EDAR: variants seen among roughly 807,000 people sequenced by gnomAD.
EDAR encodes the protein tumor necrosis factor receptor superfamily member EDAR.
Under a neutral mutation model 51.3 loss-of-function variants are expected in EDAR, and 38 were observed. The ratio of observed to expected loss-of-function variants is 0.74; its 90% CI spans 0.57 to 0.97. EDAR has a LOEUF of 0.97. Ranked by LOEUF, EDAR falls within the 50% of genes least tolerant of loss-of-function variation. EDAR has a pLI of 0.00. For synonymous variants in EDAR, 227 were observed against 242.1 expected (o/e 0.94, Z 0.58); for missense variants, 528 against 595.0 (o/e 0.89, Z 1.17).
rs1436652878 is a variant in EDAR, at chr2:108,894,739, C to T, written c.*2168G>A. The T allele has an allele frequency of 1.3e-5, 2 of 148,308 alleles. No homozygotes were observed. The highest frequency in any genetic ancestry group is 3.9e-4 in the East Asian group (2 of 5,150). 9.2% of individuals were successfully genotyped at this position (148,308 alleles called of 1,614,324 possible). On this transcript the variant is annotated 3_prime_UTR_variant, in exon 12 of 12. Transcript: ENST00000258443. ...TAGGCTAAAGCTTGTCAGAGTAAATCCCATGTTTCCAAATAAGTAAATGAC... is the reference window on the plus strand; with the variant it reads ...TAGGCTAAAGCTTGTCAGAGTAAATTCCATGTTTCCAAATAAGTAAATGAC...
chr2:108,928,772 G>A (rs969840543), intron 4 of EDAR, among the ~76,000 whole-genome samples: 1 of 152,224 alleles, frequency 6.6e-6, no homozygotes, highest in African/African-American at 2.4e-5. Flanking sequence ...AATCATTTTG[G>A]AGGGATTATA....
chr2:108,957,891 C>T (rs545439504), intron 1 of EDAR, among the ~76,000 whole-genome samples: 21 of 152,174 alleles, frequency 1.4e-4, no homozygotes, highest in African/African-American at 5.1e-4. Flanking sequence ...TTAATTATAG[C>T]GCAGGAAAGC....
intron 5 of EDAR, among the ~76,000 whole-genome samples, chr2:108,916,704 C>T (rs942850891): frequency 6.6e-5 from 10 of 152,114 alleles, no homozygotes; most frequent in Admixed American, 1.3e-4. Flanking sequence ...TGTGCGCAGC[C>T]GAGGAGGTGG....
Position 108,895,258 on chromosome 2 carries a change from C to CT in EDAR, c.*1648dup, listed in dbSNP as rs1222392638. 3 of 152,544 alleles carry CT rather than the reference C, an allele frequency of 2.0e-5. No individual in the cohort carries two copies. Among genetic ancestry groups the CT allele is most frequent in the Non-Finnish European group, 4.4e-5 (3 of 68,026 alleles). 9.4% of individuals were successfully genotyped at this position (152,544 alleles called of 1,614,324 possible). A position where few individuals can be genotyped will look rare whatever the true frequency, so the allele number is the denominator to read the frequency against. On this transcript the variant is annotated 3_prime_UTR_variant, in exon 12 of 12. Coordinates refer to ENST00000258443, the MANE Select transcript of EDAR (RefSeq NM_022336.4). The stretch of plus-strand genomic sequence containing the variant: ...TTGCTTGTTGGTGTTAAAGATATGA[C>CT]TGATTTTCCCCCTAAAGCATTTTTT...
At chr2:108,899,496 A>G (rs1696660938) in intron 11 of EDAR, among the ~76,000 whole-genome samples, 1 of 151,282 alleles carries the variant, frequency 6.6e-6, no homozygotes, top group African/African-American at 2.4e-5. Context: ...AAAAGAACAT[A>G]GTGAGCAAAA....
intron 1 of EDAR, among the ~76,000 whole-genome samples, chr2:108,952,927 T>C (rs926815233): frequency 6.6e-6 from 1 of 152,256 alleles, no homozygotes; most frequent in African/African-American, 2.4e-5. Flanking sequence ...TTTATGTTTC[T>C]GCTTTTAGTT....
Position 108,912,723 on chromosome 2 carries a change from T to C in EDAR, c.484A>G (p.Thr162Ala). 6.2e-7 allele frequency: 1 copy of C among 1,602,824 alleles called. No homozygotes were observed. The highest frequency in any genetic ancestry group is 8.5e-7 in the Non-Finnish European group (1 of 1,175,204). ...TSGASANFPG[T>A]SGSSTLSPFQ... ...GGAGACAGGGTGCTGCTGCCCGAGG[T>C]GCCAGGGAAGTTGGCAGAAGCTCCT... The change falls in exon 6 of 12, where the codon ACC (threonine) becomes GCC (alanine). Residue 162 changes from threonine (T) to alanine (A), a missense_variant. By Grantham distance (58) the Thr-to-Ala change is moderately conservative. Coordinates refer to ENST00000258443, the MANE Select transcript of EDAR (RefSeq NM_022336.4).
rs1696554741 is a variant in EDAR at position 108,895,010 on chromosome 2, A to C, written c.*1897T>G. Reference sequence around the variant, plus strand: ...TGACATTTGCAGTCTAATTAAGGGGAGACTCACTCATCATCATCACAAGGC... The same window carrying C: ...TGACATTTGCAGTCTAATTAAGGGGCGACTCACTCATCATCATCACAAGGC... On this transcript the variant is annotated 3_prime_UTR_variant, in exon 12 of 12. Transcript: ENST00000258443. 1.3e-5 allele frequency: 2 copies of C among 150,036 alleles called. No individual in the cohort carries two copies. The highest frequency in any genetic ancestry group is 3.0e-5 in the Non-Finnish European group (2 of 67,690). The allele number at this position is 150,036 out of a possible 1,614,324, so 9.3% of individuals were successfully genotyped here.
intron 9 of EDAR, 144 bp from the exon 10 acceptor site, chr2:108,908,163 G>A (rs1696848610): frequency 2.3e-6 from 2 of 868,340 alleles, no homozygotes; most frequent in African/African-American, 1.7e-5. Context: ...TGGGCACCTT[G>A]TGGGCACGGG....
rs537704407 is a variant in EDAR, at chr2:108,932,298, A to G, written c.-18-1266T>C. Among the ~76,000 whole-genome samples the G allele has an allele frequency of 3.1e-3, 475 of 151,946 alleles. 3 individuals carry two copies. Among genetic ancestry groups the G allele is most frequent in the African/African-American group, 0.011 (461 of 41,460 alleles). On this transcript the variant is annotated intron_variant, in intron 1 of 11. Coordinates refer to ENST00000258443, the MANE Select transcript of EDAR (RefSeq NM_022336.4). ...AATCCCAGCACTTTGGGAGGCTGAG[A>G]CGGGCGGATCACGAGGTCAGGAGAT...
chr2:108,969,121 T>C (rs1441770474), intron 1 of EDAR, among the ~76,000 whole-genome samples: 6 of 152,160 alleles, frequency 3.9e-5, no homozygotes, highest in South Asian at 4.1e-4. Context: ...TCCTTGAGAA[T>C]TGGATTCAAC....
intron 1 of EDAR, among the ~76,000 whole-genome samples, chr2:108,988,692 T>C (rs768194453): frequency 1.3e-5 from 2 of 152,204 alleles, no homozygotes; most frequent in Non-Finnish European, 2.9e-5. Context: ...TCTTAAAGCC[T>C]GTGAAGCACA....
At chr2:108,979,496 CACACGCAT>C (rs2104468832) in intron 1 of EDAR, among the ~76,000 whole-genome samples, 1 of 152,018 alleles carries the variant, frequency 6.6e-6, no homozygotes, top group East Asian at 1.9e-4. Context: ...CACACACACA[CACACGCAT>C]GGCACACCCC....
At chr2:108,973,750 CA>C (rs1464781129) in intron 1 of EDAR, among the ~76,000 whole-genome samples, 5 of 152,244 alleles carry the variant, frequency 3.3e-5, no homozygotes, top group African/African-American at 1.2e-4. Flanking sequence ...GCTGGAGCCA[CA>C]AGCTTGGCTT....
intron 1 of EDAR, among the ~76,000 whole-genome samples, chr2:108,938,684 T>C (rs1392478568): frequency 6.6e-6 from 1 of 152,200 alleles, no homozygotes; most frequent in Non-Finnish European, 1.5e-5. Context: ...CTTTTTTGCC[T>C]TATCAAAATT....
intron 1 of EDAR, among the ~76,000 whole-genome samples, chr2:108,941,941 A>G (rs1332054059): frequency 6.6e-6 from 1 of 152,228 alleles, no homozygotes; most frequent in Non-Finnish European, 1.5e-5. Context: ...TCTGCTGCAC[A>G]GAGAGGCCTG....
intron 1 of EDAR, among the ~76,000 whole-genome samples, chr2:108,941,423 C>T (rs1697591596): frequency 1.3e-5 from 2 of 152,174 alleles, no homozygotes; most frequent in Admixed American, 1.3e-4. Context: ...CAGCCTTCCT[C>T]CCAGTCACCA....
intron 10 of EDAR, among the ~76,000 whole-genome samples, chr2:108,907,516 C>T (rs958401061): frequency 6.6e-6 from 1 of 151,912 alleles, no homozygotes; most frequent in Non-Finnish European, 1.5e-5. Context: ...GGTGTGGCAG[C>T]GTGCACCTGT....
chr2:108,910,461 T>A lies in EDAR; in HGVS notation c.802A>T (p.Ser268Cys), dbSNP rs770872155. ...TTGGTGCTGGGGGCTTCCACATACCTCTTGGTGGGCTTTGCTGGAGTTGCT... is the reference window on the plus strand; with the variant it reads ...TTGGTGCTGGGGGCTTCCACATACCACTTGGTGGGCTTTGCTGGAGTTGCT... ...LTATPAKPTK[S>C]ENDASSENEQ... The change falls in exon 9 of 12, where the codon AGC (serine) becomes TGC (cysteine). Residue 268 changes from serine to cysteine, a missense_variant and splice_region_variant. Ser to Cys is a moderately radical substitution (Grantham distance 112). Transcript: ENST00000258443. 24 of 1,613,074 alleles carry A rather than the reference T, an allele frequency of 1.5e-5. No individual in the cohort carries two copies. The highest frequency in any genetic ancestry group is 1.9e-5 in the Non-Finnish European group (23 of 1,179,502).
Sources: gnomAD v4.1 joint callset for allele counts (sites outside exome capture counted in the v4.1 genomes callset) on GRCh38, gnomAD v4.1.1 for gene constraint, MANE v1.5 for transcripts, NCBI Gene and HGNC (gene_info 2026-07-23, HGNC 2026-07-21) for gene names.